ZFAT: variants seen among roughly 807,000 people sequenced by gnomAD.
The protein encoded by ZFAT is zinc finger protein ZFAT.
ZFAT carries 64 observed loss-of-function variants against 117.7 expected under a neutral mutation model. That is an observed-to-expected ratio of 0.54 (90% confidence interval 0.44 to 0.67). The LOEUF (loss-of-function observed/expected upper bound fraction) is 0.67. Among genes scored for constraint, ZFAT ranks in the 30% least tolerant of loss-of-function variants. The pLI is 0.00. For missense variants in ZFAT, 1,433 were observed against 1,584.5 expected, an observed-to-expected ratio of 0.90 and a Z score of 1.62; for synonymous variants, 679 against 615.0, an observed-to-expected ratio of 1.10 and a Z score of -1.54.
intron 11 of ZFAT, among the ~76,000 whole-genome samples, chr8:134,538,796 C>CAAAAAAAA: frequency 9.5e-6 from 1 of 105,094 alleles, no homozygotes; most frequent in African/African-American, 3.4e-5. Context: ...GACCCTGTCA[C>CAAAAAAAA]AAAAAAAAAA....
At chr8:134,818,524 G>C in the ZFAT span, among the ~76,000 whole-genome samples, 1 of 152,186 alleles carries the variant, frequency 6.6e-6, no homozygotes, top group African/African-American at 2.4e-5. Flanking sequence ...AAAACCACTG[G>C]CAGTTTAAGA....
intron 3 of ZFAT, among the ~76,000 whole-genome samples, chr8:134,620,205 T>G (rs1386103534): frequency 6.6e-6 from 1 of 152,220 alleles, no homozygotes; most frequent in Non-Finnish European, 1.5e-5. Context: ...GCTCCTTTCC[T>G]TCTCACCCAC....
At chr8:134,540,534 C>T (rs1452854351) in intron 11 of ZFAT, among the ~76,000 whole-genome samples, 1 of 152,198 alleles carries the variant, frequency 6.6e-6, no homozygotes, top group African/African-American at 2.4e-5. Context: ...TAGGAGGCTG[C>T]CTGCCTGCAG....
At chr8:134,828,926 G>C in the ZFAT span, among the ~76,000 whole-genome samples, 2 of 152,180 alleles carry the variant, frequency 1.3e-5, no homozygotes, top group East Asian at 3.8e-4. Context: ...AAAATTTCAA[G>C]GTAACGGTTT....
the ZFAT span, among the ~76,000 whole-genome samples, chr8:134,727,237 T>C: frequency 1.3e-5 from 2 of 152,054 alleles, no homozygotes; most frequent in Admixed American, 1.3e-4. Flanking sequence ...TCTCTGCAAG[T>C]AGGCGACATT....
intron 1 of ZFAT, 140 bp downstream of exon 1, chr8:134,712,705 A>G: frequency 3.0e-6 from 2 of 674,124 alleles, no homozygotes; most frequent in Non-Finnish European, 2.2e-6. Flanking sequence ...TCCTCCCCAG[A>G]CCCGGATCCC....
intron 1 of ZFAT, among the ~76,000 whole-genome samples, chr8:134,663,680 G>A (rs1832055189): frequency 3.3e-5 from 5 of 152,220 alleles, no homozygotes; most frequent in Admixed American, 2.6e-4. Flanking sequence ...GGAGGATACA[G>A]TGAGCTGAGA....
chr8:134,631,493 T>A (rs889726372), intron 3 of ZFAT, among the ~76,000 whole-genome samples: 4 of 152,190 alleles, frequency 2.6e-5, no homozygotes, highest in African/African-American at 9.7e-5. Flanking sequence ...CGCTTCTGCA[T>A]CTCAAATTCT....
At chr8:134,500,437 A>C (rs1054237580) in intron 15 of ZFAT, among the ~76,000 whole-genome samples, 10 of 152,214 alleles carry the variant, frequency 6.6e-5, no homozygotes, top group African/African-American at 2.4e-4. Context: ...CATGGGAAAA[A>C]GGCACCATAA....
intron 12 of ZFAT, among the ~76,000 whole-genome samples, chr8:134,525,778 G>T (rs1382585707): frequency 6.6e-6 from 1 of 152,184 alleles, no homozygotes; most frequent in Non-Finnish European, 1.5e-5. Context: ...GAAGGCGCCC[G>T]CTGTCAGCAG....
At chr8:134,629,818 C>T (rs1229464857) in intron 3 of ZFAT, among the ~76,000 whole-genome samples, 1 of 152,192 alleles carries the variant, frequency 6.6e-6, no homozygotes. Context: ...TCAGGTAGTT[C>T]TTTATAGCAG....
At chr8:134,624,866 AT>A (rs1291125104) in intron 3 of ZFAT, among the ~76,000 whole-genome samples, 5 of 151,132 alleles carry the variant, frequency 3.3e-5, no homozygotes, top group Non-Finnish European at 5.9e-5. Context: ...ATATGCATTC[AT>A]TTATAATTAA....
At chr8:134,662,599 T>C (rs1586912822) in intron 1 of ZFAT, among the ~76,000 whole-genome samples, 1 of 152,308 alleles carries the variant, frequency 6.6e-6, no homozygotes, top group South Asian at 2.1e-4. Flanking sequence ...TTTGCTCTAA[T>C]AAAAGGAAGC....
chr8:134,651,041 C>T (rs1010001304), intron 2 of ZFAT, among the ~76,000 whole-genome samples: 5 of 152,146 alleles, frequency 3.3e-5, no homozygotes, highest in Non-Finnish European at 4.4e-5. Flanking sequence ...GTGTTGGCAA[C>T]GATGTGGAGA....
chr8:134,767,894 C>A, the ZFAT span, among the ~76,000 whole-genome samples: 1 of 152,170 alleles, frequency 6.6e-6, no homozygotes, highest in Non-Finnish European at 1.5e-5. Context: ...AACTCTTAGG[C>A]ATCATCTTCT....
chr8:134,712,822 C>T (rs757906091), intron 1 of ZFAT, 23 bp downstream of exon 1: 23 of 1,161,074 alleles, frequency 2.0e-5, no homozygotes, highest in South Asian at 6.9e-5. Flanking sequence ...CCCCGTCTCA[C>T]CCCAACCCCC....
At position 134,544,836 on chromosome 8, in the gene ZFAT, A is replaced by C. The variant is rs540055212; in HGVS notation, c.2977-11864T>G. On this transcript the variant is annotated intron_variant, in intron 11 of 15. Transcript: ENST00000377838. The stretch of plus-strand genomic sequence containing the variant: ...AATGTTCACACCAAGATATGGACCA[A>C]GAGAGGCTAATGCATGCGGCTGCAA... Among the ~76,000 whole-genome samples, 64 of 152,334 alleles carry C rather than the reference A, an allele frequency of 4.2e-4. 2 individuals carry two copies. The South Asian group carries it at 0.013, about 31-fold the overall frequency.
chr8:134,528,460 C>A (rs1313017866), intron 12 of ZFAT, among the ~76,000 whole-genome samples: 2 of 152,224 alleles, frequency 1.3e-5, no homozygotes, highest in Non-Finnish European at 2.9e-5. Context: ...GGTTACCTCA[C>A]AGTTTCTGGA....
intron 2 of ZFAT, among the ~76,000 whole-genome samples, chr8:134,639,252 G>T (rs1586869740): frequency 6.6e-6 from 1 of 152,264 alleles, no homozygotes; most frequent in East Asian, 1.9e-4. Context: ...CTTGGTACGG[G>T]GTACCCAAGA....
Sources: gnomAD v4.1 joint callset for allele counts (sites outside exome capture counted in the v4.1 genomes callset) on GRCh38, gnomAD v4.1.1 for gene constraint, MANE v1.5 for transcripts, NCBI Gene and HGNC (gene_info 2026-07-23, HGNC 2026-07-21) for gene names.